Variants in TSGA10 observed in about 807,000 individuals in gnomAD.
The protein encoded by TSGA10 is testis-specific gene 10 protein.
In TSGA10, 43 loss-of-function variants were observed where a neutral mutation model predicts 96.6. The observed-to-expected ratio is 0.44, with a 90% CI of 0.35 to 0.57. The LOEUF (loss-of-function observed/expected upper bound fraction) is 0.57, where lower values mean the gene tolerates loss of function less well. Ranked by LOEUF, TSGA10 falls within the 20% of genes least tolerant of loss-of-function variation. The pLI, the probability that TSGA10 is intolerant of heterozygous loss-of-function variation, is 0.01. For missense variants in TSGA10, 703 were observed against 834.4 expected (o/e 0.84, Z 1.94); for synonymous variants, 229 against 269.9 (o/e 0.85, Z 1.48).
rs149701680 is a variant in TSGA10 at position 99,018,134 on chromosome 2, C to T, written c.2072+66G>A. On this transcript the variant is annotated intron_variant, in intron 20 of 20. Transcript: ENST00000393483. Reference sequence around the variant, plus strand: ...TAGACTATTGAGTTTCCTTATTACCCCAAATGTTCACTATACTAGATACTG... The same window carrying T: ...TAGACTATTGAGTTTCCTTATTACCTCAAATGTTCACTATACTAGATACTG... 3,242 of 1,529,876 alleles carry T rather than the reference C, an allele frequency of 2.1e-3. 32 individuals carry two copies. In the East Asian group the frequency reaches 0.035, roughly 17 times the overall value. The allele number at this position is 1,529,876 out of a possible 1,614,324, so 94.8% of individuals were successfully genotyped here.
chr2:99,078,611 A>C (rs778728469), intron 12 of TSGA10, 48 bp downstream of exon 12: 25 of 1,539,632 alleles, frequency 1.6e-5, no homozygotes, highest in Non-Finnish European at 2.0e-5. Context: ...TTTAACATTT[A>C]ACATTTCATT....
chr2:99,132,860 T>C (rs2093157951), intron 1 of TSGA10, among the ~76,000 whole-genome samples: 1 of 152,222 alleles, frequency 6.6e-6, no homozygotes, highest in African/African-American at 2.4e-5. Context: ...TTTCGTTATG[T>C]ACCCATTATC....
chr2:99,112,887 A>G (rs2091936510), intron 4 of TSGA10, among the ~76,000 whole-genome samples: 1 of 145,732 alleles, frequency 6.9e-6, no homozygotes, highest in African/African-American at 2.5e-5. Context: ...GGGGACAAAC[A>G]AAGACTTTAC....
At chr2:99,041,737 C>T (rs56271621) in intron 16 of TSGA10, among the ~76,000 whole-genome samples, 20,692 of 151,944 alleles carry the variant, frequency 0.14, 1,814 homozygotes, top group Non-Finnish European at 0.19. Context: ...TCTAGAACAT[C>T]GGAAAAACCC....
Position 99,154,925 on chromosome 2 carries a change from TTCAGGGGGCCGGCCC to T in TSGA10, c.-868_-854del, listed in dbSNP as rs1251022048. The T allele has an allele frequency of 2.2e-6, 1 of 446,032 alleles. No homozygotes were observed. The highest frequency in any genetic ancestry group is 4.5e-6 in the Non-Finnish European group (1 of 221,120). 27.6% of individuals were successfully genotyped at this position (446,032 alleles called of 1,614,324 possible). A position where few individuals can be genotyped will look rare whatever the true frequency, so the allele number is the denominator to read the frequency against. On this transcript the variant is annotated 5_prime_UTR_variant, in exon 1 of 21. Coordinates refer to ENST00000393483, the MANE Select transcript of TSGA10 (RefSeq NM_025244.4). Reference sequence around the variant, plus strand: ...CTGCGCGCCCCTCCTTCTCTTGCGCTTCAGGGGGCCGGCCCTCAGGGGGCGGGGCAGCATCGCGCG... The same window carrying T: ...CTGCGCGCCCCTCCTTCTCTTGCGCTTCAGGGGGCGGGGCAGCATCGCGCG...
chr2:99,151,601 T>C (rs11123765), intron 1 of TSGA10: 88,265 of 152,042 alleles, frequency 0.58, 26,518 homozygotes, highest in East Asian at 0.88. Context: ...ACATTTTGCA[T>C]TTTTGTTCTG....
At chr2:99,057,468 G>A (rs565927926) in intron 16 of TSGA10, among the ~76,000 whole-genome samples, 60 of 151,986 alleles carry the variant, frequency 3.9e-4, no homozygotes, top group African/African-American at 1.4e-3. Context: ...TGGAGAATCT[G>A]AAAATAAAAA....
intron 1 of TSGA10, among the ~76,000 whole-genome samples, chr2:99,136,798 CAAAAAAA>C (rs977980769): frequency 3.6e-3 from 11 of 3,058 alleles, no homozygotes; most frequent in Admixed American, 0.016. Flanking sequence ...GACTCCATCT[CAAAAAAA>C]AAAAAAAAAA....
chr2:99,043,388 A>C (rs2082402300), intron 16 of TSGA10, among the ~76,000 whole-genome samples: 1 of 152,152 alleles, frequency 6.6e-6, no homozygotes, highest in Non-Finnish European at 1.5e-5. Flanking sequence ...CCTCCGAAAA[A>C]TATAGGACAC....
intron 16 of TSGA10, among the ~76,000 whole-genome samples, chr2:99,036,930 C>T (rs2081681038): frequency 6.6e-6 from 1 of 152,092 alleles, no homozygotes; most frequent in Non-Finnish European, 1.5e-5. Context: ...ACATAACAAT[C>T]CTTAATGTGC....
intron 2 of TSGA10, chr2:99,126,726 C>T (rs1159674721): frequency 5.7e-6 from 1 of 174,044 alleles, no homozygotes; most frequent in Non-Finnish European, 1.2e-5. Flanking sequence ...ACTTGTTACT[C>T]AAGTGTCATA....
intron 20 of TSGA10, among the ~76,000 whole-genome samples, chr2:99,001,796 C>T (rs747980201): frequency 1.3e-5 from 2 of 152,136 alleles, no homozygotes; most frequent in Non-Finnish European, 2.9e-5. Flanking sequence ...CTTAAATGAC[C>T]TGACGGAGCT....
chr2:98,999,403 G>C (rs1384186373), intron 20 of TSGA10, among the ~76,000 whole-genome samples: 2 of 152,160 alleles, frequency 1.3e-5, no homozygotes, highest in Admixed American at 6.6e-5. Flanking sequence ...CAAAACTAGA[G>C]AGGCAGGAAA....
chr2:99,087,374 C>T (rs913198753), intron 10 of TSGA10, among the ~76,000 whole-genome samples: 4 of 150,136 alleles, frequency 2.7e-5, no homozygotes, highest in Non-Finnish European at 4.4e-5. Context: ...GGTGTAGTGG[C>T]GCATGCCTGT....
chr2:99,018,078 G>T, intron 20 of TSGA10, 122 bp downstream of exon 20: 1 of 835,320 alleles, frequency 1.2e-6, no homozygotes. Context: ...AATATATCTT[G>T]GTAATCATGT....
rs777134026 is a variant in TSGA10, at chr2:99,108,859, C to A, written c.184G>T (p.Asp62Tyr). The A allele has an allele frequency of 2.5e-6, 4 of 1,580,032 alleles. No homozygotes were observed. The highest frequency in any genetic ancestry group is 2.7e-5 in the African/African-American group (2 of 72,734). The change falls in exon 7 of 21, where the codon GAC (aspartate) becomes TAC (tyrosine). Residue 62 changes from aspartate (D) to tyrosine (Y), a missense_variant. Asp to Tyr is a radical substitution (Grantham distance 160). Transcript: ENST00000393483. ...TGTTCATAAAGAAGGAAGATCTTGT[C>A]TCTCTCAGATTTAAGAACCTTGACA... The part of the protein sequence containing the change: ...GNVKVLKSER[D>Y]KIFLLYEQAQ...
chr2:99,121,808 T>G (rs1222511029), intron 2 of TSGA10, among the ~76,000 whole-genome samples: 1 of 152,194 alleles, frequency 6.6e-6, no homozygotes, highest in Non-Finnish European at 1.5e-5. Flanking sequence ...CAATTTTTCC[T>G]TTTATGAGTC....
rs2104935934 is a variant in TSGA10, at chr2:99,018,233, G to T, written c.2039C>A (p.Ser680Tyr). The change falls in exon 20 of 21, where the codon TCT becomes TAT. Residue 680 changes from serine to tyrosine, a missense_variant. By Grantham distance (144) the Ser-to-Tyr change is moderately radical. Around this residue, in one of 3 missense-constraint regions of TSGA10, gnomAD observed 69 missense variants for 81.3 expected, o/e 0.85. Coordinates refer to ENST00000393483, the MANE Select transcript of TSGA10 (RefSeq NM_025244.4). ...TGATCGATCTAGGCCTCGGTCAGGA[G>T]ATCGATGGTGAGCACGTTCTGGTGA... ...CHSPERAHHR[S>Y]PDRGLDRSLE... 1 of 1,614,020 alleles carries T rather than the reference G, an allele frequency of 6.2e-7. No homozygotes were observed. Among genetic ancestry groups the T allele is most frequent in the Admixed American group, 1.7e-5 (1 of 59,982 alleles).
At chr2:99,007,154 AG>A (rs2078566016) in intron 20 of TSGA10, among the ~76,000 whole-genome samples, 1 of 133,652 alleles carries the variant, frequency 7.5e-6, no homozygotes, top group Non-Finnish European at 1.6e-5. Context: ...GGGTGGGAGG[AG>A]GGGGGAGGGA....
Sources: gnomAD v4.1 joint callset for allele counts (sites outside exome capture counted in the v4.1 genomes callset) on GRCh38, gnomAD v4.1.1 for gene constraint, gnomAD v4.1.1 regional missense constraint, MANE v1.5 for transcripts, NCBI Gene and HGNC (gene_info 2026-07-23, HGNC 2026-07-21) for gene names.